Variants in CARD14 observed in about 807,000 individuals in gnomAD.
The protein encoded by CARD14 is caspase recruitment domain-containing protein 14.
Under a neutral mutation model 111.5 loss-of-function variants are expected in CARD14, and 107 were observed. That is an observed-to-expected ratio of 0.96 (90% confidence interval 0.82 to 1.13). The LOEUF (loss-of-function observed/expected upper bound fraction) is 1.13, where lower values mean the gene tolerates loss of function less well. Among genes scored for constraint, CARD14 ranks in the 50% most tolerant of loss-of-function variants. CARD14 has a pLI of 0.00. For synonymous variants in CARD14, 617 were observed against 579.6 expected (o/e 1.06, Z -0.93); for missense variants, 1,322 against 1,362.3 (o/e 0.97, Z 0.47).
At chr17:80,172,796 A>G (rs1303004399) in intron 1 of CARD14, 110 bp from the exon 2 acceptor site, 2 of 148,756 alleles carry the variant, frequency 1.3e-5, no homozygotes, top group Non-Finnish European at 3.0e-5. Flanking sequence ...TGTTTCATCA[A>G]TTGGATTAAT....
intron 10 of CARD14, 96 bp from the exon 11 acceptor site, chr17:80,191,227 T>G: frequency 6.9e-7 from 1 of 1,449,918 alleles, no homozygotes; most frequent in Non-Finnish European, 9.5e-7. Flanking sequence ...TTAGTGGATG[T>G]CAGATGAGCG....
chr17:80,203,952 G>T lies in CARD14; in HGVS notation c.2283+67G>T. 1 of 1,293,314 alleles carries T rather than the reference G, an allele frequency of 7.7e-7. No individual in the cohort carries two copies. Among genetic ancestry groups the T allele is most frequent in the African/African-American group, 1.5e-5 (1 of 67,630 alleles). The allele number at this position is 1,293,314 out of a possible 1,614,324, so 80.1% of individuals were successfully genotyped here. A position where few individuals can be genotyped will look rare whatever the true frequency, so the allele number is the denominator to read the frequency against. Reference sequence around the variant, plus strand: ...TGGAAGAGGGGCTCGGTGCTGGCAGGGTGGCAGGAGGCACTGTGTGGAGAG... The same window carrying T: ...TGGAAGAGGGGCTCGGTGCTGGCAGTGTGGCAGGAGGCACTGTGTGGAGAG... On this transcript the variant is annotated intron_variant, in intron 19 of 23. Coordinates refer to ENST00000648509, the MANE Select transcript of CARD14 (RefSeq NM_001366385.1). The surrounding 1 kb of genome is among the most constrained non-coding windows in gnomAD (Gnocchi z 4.6).
rs764656786 is a variant in CARD14 at position 80,188,404 on chromosome 17, C to T, written c.703C>T (p.Arg235Ter). The T allele has an allele frequency of 7.5e-6, 12 of 1,610,334 alleles. No individual in the cohort carries two copies. The highest frequency in any genetic ancestry group is 5.3e-5 in the African/African-American group (4 of 74,770). Reference protein sequence around the residue: ...ELYLLKQELQRANMVSSCELE... With the variant: ...ELYLLKQELQ ...GTATCTACTGAAGCAGGAGCTGCAG[C>T]GAGCCAACATGGTTTCCTCCTGTGA... is the stretch of plus-strand genomic sequence containing the variant. The change falls in exon 8 of 24, where the codon CGA becomes TGA. Residue 235 changes from arginine to a stop codon, truncating the protein, a stop_gained. Transcript: ENST00000648509. LOFTEE classifies it high-confidence loss of function. This position sits in a 1 kb window ranked among gnomAD's most constrained non-coding sequence, Gnocchi z 4.5.
chr17:80,172,330 C>A (rs1397022301), intron 1 of CARD14, among the ~76,000 whole-genome samples: 1 of 152,196 alleles, frequency 6.6e-6, no homozygotes, highest in Non-Finnish European at 1.5e-5. Flanking sequence ...GGGGCAAATA[C>A]TGGGATTTTA....
rs1293861623 is a variant in CARD14 at position 80,190,797 on chromosome 17, C to G, written c.987C>G (p.Thr329=). 2.5e-6 allele frequency: 4 copies of G among 1,614,080 alleles called. No homozygotes were observed. Among genetic ancestry groups the G allele is most frequent in the South Asian group, 2.2e-5 (2 of 91,074 alleles). The part of the protein sequence containing the change: ...REQYWEEKEQ[T]LLQFQKSKMA... The stretch of plus-strand genomic sequence containing the variant: ...AGTACTGGGAAGAGAAGGAACAGAC[C>G]CTGCTGCAGTTCCAGAAGAGTAAGA... The change falls in exon 10 of 24, where the codon ACC becomes ACG. Residue 329 remains threonine, a synonymous_variant. Transcript: ENST00000648509.
At chr17:80,190,642 C>T (rs564479916) in intron 9 of CARD14, 132 bp from the exon 10 acceptor site, 33 of 887,888 alleles carry the variant, frequency 3.7e-5, no homozygotes, top group Middle Eastern at 2.7e-4. Context: ...GAGAGAGAGA[C>T]GAGTGAGAAT....
chr17:80,191,362 C>A lies in CARD14; in HGVS notation c.1129C>A (p.Gln377Lys). 1 of 1,613,906 alleles carries A rather than the reference C, an allele frequency of 6.2e-7. No homozygotes were observed. Among genetic ancestry groups the A allele is most frequent in the Non-Finnish European group, 8.5e-7 (1 of 1,179,986 alleles). ...ARDSAQREIS[Q>K]SLVEKDSLRR... ...GGACAGTGCTCAGAGGGAGATTTCC[C>A]AGAGCCTGGTGGAGAAGGACTCCCT... Residue 377 changes from glutamine (Q) to lysine (K), a missense_variant, in exon 11 of 24, where the codon CAG becomes AAG. Coordinates refer to ENST00000648509, the MANE Select transcript of CARD14 (RefSeq NM_001366385.1).
Position 80,198,484 on chromosome 17 carries a change from C to T in CARD14, c.1744C>T (p.Gln582Ter). Residue 582 changes from glutamine (Q) to a stop codon, truncating the protein, a stop_gained, in exon 16 of 24, where the codon CAG (glutamine) becomes TAG (stop). Coordinates refer to ENST00000648509, the MANE Select transcript of CARD14 (RefSeq NM_001366385.1). LOFTEE classifies it high-confidence loss of function. This position sits in a 1 kb window ranked among gnomAD's most constrained non-coding sequence, Gnocchi z 7.5. Reference protein sequence around the residue: ...LAFQGDALLEQISVIGGNLTG... With the variant: ...LAFQGDALLE ...GTTCCAGGGGGATGCATTGCTGGAG[C>T]AGATCAGCGTCATCGGCGGGAACCT... 1 of 1,613,508 alleles carries T rather than the reference C, an allele frequency of 6.2e-7. No homozygotes were observed. The highest frequency in any genetic ancestry group is 8.5e-7 in the Non-Finnish European group (1 of 1,179,824).
At position 80,184,257 on chromosome 17, in the gene CARD14, C is replaced by A; in HGVS notation, c.675+19C>A. 1 of 1,490,336 alleles carries A rather than the reference C, an allele frequency of 6.7e-7. No individual in the cohort carries two copies. The highest frequency in any genetic ancestry group is 9.0e-7 in the Non-Finnish European group (1 of 1,114,378). The allele number at this position is 1,490,336 out of a possible 1,614,324, so 92.3% of individuals were successfully genotyped here. ...GGAGGAGGTAGGGGGACACCCTGCA[C>A]CCCGGCGCGACCCTGCTGTCGTCTG... On this transcript the variant is annotated intron_variant, in intron 7 of 23. Coordinates refer to ENST00000648509, the MANE Select transcript of CARD14 (RefSeq NM_001366385.1).
intron 23 of CARD14, 110 bp downstream of exon 23, chr17:80,207,195 GCGCTGACAGGGC>G (rs2041371270): frequency 1.5e-6 from 1 of 689,314 alleles, no homozygotes; most frequent in Non-Finnish European, 2.4e-6. Flanking sequence ...GGAAGCTGAG[GCGCTGACAGGGC>G]CGTTTCCGCA....
intron 12 of CARD14, 55 bp downstream of exon 12, chr17:80,192,674 G>C (rs1211883562): frequency 7.5e-7 from 1 of 1,331,736 alleles, no homozygotes; most frequent in Admixed American, 1.8e-5. Context: ...GCCAGCCCAG[G>C]GGCCTCTCTG....
Position 80,182,591 on chromosome 17 carries a change from C to G in CARD14, c.212-62C>G. On this transcript the variant is annotated intron_variant, in intron 5 of 23. Coordinates refer to ENST00000648509, the MANE Select transcript of CARD14 (RefSeq NM_001366385.1). The surrounding 1 kb of genome is among the most constrained non-coding windows in gnomAD (Gnocchi z 4.7). ...GGCCTCTCCCCCGTGGGGAAGCCAG[C>G]CAGGGAGCCCAGCCCCCTTGGTAGC... 1.9e-6 allele frequency: 3 copies of G among 1,593,172 alleles called. No individual in the cohort carries two copies. The highest frequency in any genetic ancestry group is 2.6e-6 in the Non-Finnish European group (3 of 1,167,946).
At chr17:80,192,005 C>T (rs180698961) in intron 11 of CARD14, among the ~76,000 whole-genome samples, 26 of 152,290 alleles carry the variant, frequency 1.7e-4, no homozygotes, top group Admixed American at 1.3e-3. Context: ...CCTCCGCATG[C>T]GGAACCCACC....
At chr17:80,200,198 A>C (rs574467715) in intron 16 of CARD14, among the ~76,000 whole-genome samples, 11 of 146,646 alleles carry the variant, frequency 7.5e-5, no homozygotes, top group Non-Finnish European at 1.5e-4. Flanking sequence ...CACGTCCTCC[A>C]CATGACCCGG....
At position 80,202,678 on chromosome 17, in the gene CARD14, C is replaced by G. The variant is rs9914128; in HGVS notation, c.2219+258C>G. 0.034 allele frequency: 41,419 copies of G among 1,215,426 alleles called. 1,663 individuals are homozygous for G. Among genetic ancestry groups the G allele is most frequent in the African/African-American group, 0.19 (12,595 of 65,374 alleles). 75.3% of individuals were successfully genotyped at this position (1,215,426 alleles called of 1,614,324 possible). A position where few individuals can be genotyped will look rare whatever the true frequency, so the allele number is the denominator to read the frequency against. ...AGCTCTGGGTTTCTTAGCTTTGGTA[C>G]CATGGACGTTTGGGGCTGGATCCCC... is the stretch of plus-strand genomic sequence containing the variant. On this transcript the variant is annotated intron_variant, in intron 18 of 23. Coordinates refer to ENST00000648509, the MANE Select transcript of CARD14 (RefSeq NM_001366385.1).
chr17:80,180,450 A>G (rs756468237), intron 4 of CARD14, among the ~76,000 whole-genome samples: 7 of 152,100 alleles, frequency 4.6e-5, no homozygotes, highest in African/African-American at 7.2e-5. Flanking sequence ...TCTGCGAGGC[A>G]CTTGTGCCCA....
intron 22 of CARD14, 147 bp downstream of exon 22, chr17:80,205,799 A>G: frequency 1.3e-6 from 1 of 744,660 alleles, no homozygotes; most frequent in South Asian, 2.2e-5. Context: ...GCCCAGCAGG[A>G]GCCCAAAACT....
At position 80,182,850 on chromosome 17, in the gene CARD14, AC is replaced by A; in HGVS notation, c.349+64del. ...TTCTAGGAACCTCAGGCTCCTGGTAACCCCAGGTGCCCCGCTTACTTGCCGA... is the reference window on the plus strand; with the variant it reads ...TTCTAGGAACCTCAGGCTCCTGGTAACCCAGGTGCCCCGCTTACTTGCCGA... On this transcript the variant is annotated intron_variant, in intron 6 of 23. Transcript: ENST00000648509. This position sits in a 1 kb window ranked among gnomAD's most constrained non-coding sequence, Gnocchi z 4.7. The A allele has an allele frequency of 6.3e-7, 1 of 1,595,818 alleles. No homozygotes were observed. Among genetic ancestry groups the A allele is most frequent in the Non-Finnish European group, 8.6e-7 (1 of 1,166,502 alleles).
chr17:80,182,624 T>C lies in CARD14; in HGVS notation c.212-29T>C. On this transcript the variant is annotated intron_variant, in intron 5 of 23. Coordinates refer to ENST00000648509, the MANE Select transcript of CARD14 (RefSeq NM_001366385.1). This position sits in a 1 kb window ranked among gnomAD's most constrained non-coding sequence, Gnocchi z 4.7. The stretch of plus-strand genomic sequence containing the variant: ...CCCAGCCCCCTTGGTAGCTGGGTTC[T>C]GCCCAGACAGACGGTTCTGCCTCCC... The C allele has an allele frequency of 6.2e-7, 1 of 1,612,818 alleles. No individual in the cohort carries two copies. Among genetic ancestry groups the C allele is most frequent in the South Asian group, 1.1e-5 (1 of 90,830 alleles).
Sources: allele counts gnomAD v4.1 joint callset (sites outside exome capture counted in the v4.1 genomes callset), GRCh38; gene constraint gnomAD v4.1.1; non-coding constraint Gnocchi (gnomAD v3.1); transcripts MANE v1.5; gene names NCBI Gene and HGNC (gene_info 2026-07-23, HGNC 2026-07-21).